PFKFB2: variants seen among roughly 807,000 people sequenced by gnomAD.
PFKFB2 encodes the protein 6-phosphofructo-2-kinase/fructose-2,6-biphosphatase 2.
In PFKFB2, 53 loss-of-function variants were observed where a neutral mutation model predicts 68.0. That is an observed-to-expected ratio of 0.78 (90% CI 0.63 to 0.98). The LOEUF (loss-of-function observed/expected upper bound fraction) is 0.98. Among genes scored for constraint, PFKFB2 ranks in the 50% least tolerant of loss-of-function variants. PFKFB2 has a pLI of 0.00. For missense variants in PFKFB2, 451 were observed against 642.0 expected (o/e 0.70, Z 3.22); for synonymous variants, 222 against 227.6 (o/e 0.98, Z 0.22).
chr1:207,052,144 G>A, upstream of PFKFB2: 1 of 1,597,190 alleles, frequency 6.3e-7, no homozygotes, highest in Non-Finnish European at 8.6e-7. Context: ...GGGCCCGCTG[G>A]GGCAACTATG....
chr1:207,076,872 T>C lies in PFKFB2; in HGVS notation c.*4501T>C. On this transcript the variant is annotated 3_prime_UTR_variant, in exon 15 of 15. Coordinates refer to ENST00000367080, the MANE Select transcript of PFKFB2 (RefSeq NM_006212.2). ...GCTGACAGTCTGCCTGCTTTCTGAT[T>C]GTATCCATTGAAGTGTATGTACATT... 1 of 985,230 alleles carries C rather than the reference T, an allele frequency of 1.0e-6. No homozygotes were observed. The highest frequency in any genetic ancestry group is 1.2e-6 in the Non-Finnish European group (1 of 829,736). The allele number at this position is 985,230 out of a possible 1,614,324, so 61.0% of individuals were successfully genotyped here. A position where few individuals can be genotyped will look rare whatever the true frequency, so the allele number is the denominator to read the frequency against.
intron 2 of PFKFB2, among the ~76,000 whole-genome samples, chr1:207,057,113 C>A (rs926319274): frequency 2.0e-5 from 3 of 151,864 alleles, no homozygotes; most frequent in East Asian, 1.9e-4. Context: ...GGCCGAGGTG[C>A]CTTTACGGTG....
Position 207,077,408 on chromosome 1 carries a change from G to T in PFKFB2, c.*5037G>T. 1.0e-6 allele frequency: 1 copy of T among 985,106 alleles called. No homozygotes were observed. Among genetic ancestry groups the T allele is most frequent in the East Asian group, 1.1e-4 (1 of 8,814 alleles). The allele number at this position is 985,106 out of a possible 1,614,324, so 61.0% of individuals were successfully genotyped here. On this transcript the variant is annotated 3_prime_UTR_variant, in exon 15 of 15. Coordinates refer to ENST00000367080, the MANE Select transcript of PFKFB2 (RefSeq NM_006212.2). ...ATATCTGTGACCAATGTTTACCTAC[G>T]CAATGTTTTTGTATCTGAATTGCTT...
Position 207,070,575 on chromosome 1 carries a change from T to A in PFKFB2, c.1222+166T>A. 2 of 667,210 alleles carry A rather than the reference T, an allele frequency of 3.0e-6. No individual in the cohort carries two copies. Among genetic ancestry groups the A allele is most frequent in the Non-Finnish European group, 4.9e-6 (2 of 407,350 alleles). The allele number at this position is 667,210 out of a possible 1,614,324, so 41.3% of individuals were successfully genotyped here. The stretch of plus-strand genomic sequence containing the variant: ...AGCAGCCACTGAGTCAATGACTTGC[T>A]GAGTTCACTCTGCTGCTACGAAAGC... On this transcript the variant is annotated intron_variant, in intron 12 of 14. Transcript: ENST00000367080. The surrounding 1 kb of genome is among the most constrained non-coding windows in gnomAD (Gnocchi z 4.2).
At chr1:207,045,212 A>G (rs1186633743) in intron 2 of PFKFB2, 7 of 152,438 alleles carry the variant, frequency 4.6e-5, no homozygotes, top group African/African-American at 1.7e-4. Flanking sequence ...TCTTTTAGAA[A>G]TTATCAGTCA....
intron 2 of PFKFB2, among the ~76,000 whole-genome samples, chr1:207,059,450 G>C (rs1166521290): frequency 6.6e-6 from 1 of 152,188 alleles, no homozygotes; most frequent in Non-Finnish European, 1.5e-5. Context: ...TGAGACAGCT[G>C]ATCCCATGCA....
At position 207,074,867 on chromosome 1, in the gene PFKFB2, T is replaced by C; in HGVS notation, c.*2496T>C. 9 of 985,456 alleles carry C rather than the reference T, an allele frequency of 9.1e-6. No homozygotes were observed. Among genetic ancestry groups the C allele is most frequent in the Non-Finnish European group, 1.1e-5 (9 of 829,946 alleles). 61.0% of individuals were successfully genotyped at this position (985,456 alleles called of 1,614,324 possible). On this transcript the variant is annotated 3_prime_UTR_variant, in exon 15 of 15. Coordinates refer to ENST00000367080, the MANE Select transcript of PFKFB2 (RefSeq NM_006212.2). Reference sequence around the variant, plus strand: ...ATCGCTTCTCCTGACTTTTCTGTTGTCCTATGGCTATGAGACTACAGGGGT... The same window carrying C: ...ATCGCTTCTCCTGACTTTTCTGTTGCCCTATGGCTATGAGACTACAGGGGT...
downstream of PFKFB2, chr1:207,080,775 A>G (rs1304623028): frequency 1.3e-5 from 2 of 152,100 alleles, no homozygotes; most frequent in African/African-American, 4.8e-5. Context: ...GTCTAATGTC[A>G]TATTAACTTA....
Position 207,064,872 on chromosome 1 carries a change from C to T in PFKFB2, c.508-164C>T, listed in dbSNP as rs527543194. Among the ~76,000 whole-genome samples the T allele has an allele frequency of 2.7e-4, 27 of 101,060 alleles. No individual in the cohort carries two copies. The East Asian group carries it at 3.4e-3, about 13-fold the overall frequency. The allele number at this position is 101,060 out of a possible 152,430, so 66.3% of individuals were successfully genotyped here. A position where few individuals can be genotyped will look rare whatever the true frequency, so the allele number is the denominator to read the frequency against. ...TTTTTTGGTTGCCAGGGTCACAGGACGGGGCGGGGCGGGGCGGGGGGTACT... is the reference window on the plus strand; with the variant it reads ...TTTTTTGGTTGCCAGGGTCACAGGATGGGGCGGGGCGGGGCGGGGGGTACT... On this transcript the variant is annotated intron_variant, in intron 7 of 14. Transcript: ENST00000367080.
upstream of PFKFB2, chr1:207,053,139 T>A (rs1315899967): frequency 6.6e-6 from 1 of 152,340 alleles, no homozygotes; most frequent in Non-Finnish European, 1.5e-5. Flanking sequence ...CCGAGCCAGT[T>A]AGGCGATTGC....
intron 8 of PFKFB2, 133 bp downstream of exon 8, chr1:207,065,293 A>G: frequency 6.8e-7 from 1 of 1,465,818 alleles, no homozygotes. Flanking sequence ...CAGAGAAATA[A>G]GGTATGGATT....
intron 2 of PFKFB2, chr1:207,048,220 T>TA (rs1682644482): frequency 6.6e-6 from 1 of 152,660 alleles, no homozygotes; most frequent in African/African-American, 2.4e-5. Context: ...AACGGTCTTT[T>TA]AAAGCTTCAG....
chr1:207,062,412 C>A lies in PFKFB2; in HGVS notation c.212-208C>A, dbSNP rs1025529044. 9 of 732,508 alleles carry A rather than the reference C, an allele frequency of 1.2e-5. No individual in the cohort carries two copies. In the South Asian group the frequency reaches 1.5e-4, roughly 12 times the overall value. 45.4% of individuals were successfully genotyped at this position (732,508 alleles called of 1,614,324 possible). A position where few individuals can be genotyped will look rare whatever the true frequency, so the allele number is the denominator to read the frequency against. On this transcript the variant is annotated intron_variant, in intron 3 of 14. Coordinates refer to ENST00000367080, the MANE Select transcript of PFKFB2 (RefSeq NM_006212.2). The stretch of plus-strand genomic sequence containing the variant: ...GACAGAGTGGCTGAGGAAATTGAAA[C>A]CTCAGACAGCTTAAGACTTGTCCAA...
At chr1:207,054,526 G>A (rs897189134) in intron 1 of PFKFB2, among the ~76,000 whole-genome samples, 175 bp from the exon 2 acceptor site, 2 of 152,198 alleles carry the variant, frequency 1.3e-5, no homozygotes, top group African/African-American at 4.8e-5. Context: ...TCTTTTTATA[G>A]GTGAGGAAAC....
In PFKFB2 at chr1:207,074,776, T is replaced by C. The variant is rs1683578158; in HGVS notation, c.*2405T>C. On this transcript the variant is annotated 3_prime_UTR_variant, in exon 15 of 15. Coordinates refer to ENST00000367080, the MANE Select transcript of PFKFB2 (RefSeq NM_006212.2). ...AGGTTATTTTAAGAGACAGGACATG[T>C]AATTTATAACAAATGGACATTTGCA... The C allele has an allele frequency of 2.0e-6, 2 of 985,312 alleles. No homozygotes were observed. The highest frequency in any genetic ancestry group is 4.7e-5 in the South Asian group (1 of 21,296). 61.0% of individuals were successfully genotyped at this position (985,312 alleles called of 1,614,324 possible).
intron 1 of PFKFB2, among the ~76,000 whole-genome samples, chr1:207,035,653 A>G (rs191658180): frequency 4.0e-5 from 6 of 151,184 alleles, no homozygotes; most frequent in Middle Eastern, 6.8e-3. Context: ...ACCCTGTCTT[A>G]AAAACAAACA....
chr1:207,035,358 A>G (rs1682355577), intron 1 of PFKFB2, among the ~76,000 whole-genome samples: 1 of 152,212 alleles, frequency 6.6e-6, no homozygotes, highest in Non-Finnish European at 1.5e-5. Context: ...AGTAATTTAT[A>G]AAGAAAAGAG....
At chr1:207,055,971 T>C (rs753786695) in intron 2 of PFKFB2, among the ~76,000 whole-genome samples, 28 of 152,194 alleles carry the variant, frequency 1.8e-4, no homozygotes, top group Non-Finnish European at 3.2e-4. Context: ...ATAACTAGTA[T>C]AGCATGATGT....
rs760592954 is a variant in PFKFB2 at position 207,070,473 on chromosome 1, C to G, written c.1222+64C>G. The G allele has an allele frequency of 6.4e-6, 10 of 1,566,216 alleles. No homozygotes were observed. The highest frequency in any genetic ancestry group is 8.7e-6 in the Non-Finnish European group (10 of 1,147,956). On this transcript the variant is annotated intron_variant, in intron 12 of 14. Transcript: ENST00000367080. This position sits in a 1 kb window ranked among gnomAD's most constrained non-coding sequence, Gnocchi z 4.2. ...GAGAGGGCTGGACTTGCAGTGGCAC[C>G]AGGATTCCTGGGAAACAGACCTCCC...
Sources: allele counts gnomAD v4.1 joint callset (sites outside exome capture counted in the v4.1 genomes callset), GRCh38; gene constraint gnomAD v4.1.1; non-coding constraint Gnocchi (gnomAD v3.1); transcripts MANE v1.5; gene names NCBI Gene and HGNC (gene_info 2026-07-23, HGNC 2026-07-21).